Variants in NRG1 observed in about 807,000 individuals in gnomAD.
NRG1 encodes the protein neuregulin 1.
A neutral mutation model predicts 63.8 loss-of-function variants in NRG1; 18 were observed. That is an observed-to-expected ratio of 0.28 (90% CI 0.19 to 0.42). The LOEUF is 0.42. NRG1 is among the 10% of genes least tolerant of loss of function. NRG1 has a pLI of 1.00. For missense variants in NRG1, 762 were observed against 814.7 expected (o/e 0.94, Z 0.79); for synonymous variants, 302 against 301.3 (o/e 1.00, Z -0.02).
intron 1 of NRG1, among the ~76,000 whole-genome samples, chr8:31,677,313 A>T (rs1312429748): frequency 6.6e-6 from 1 of 151,418 alleles, no homozygotes; most frequent in African/African-American, 2.4e-5. Flanking sequence ...TCTACCACTT[A>T]AAAAATTTCA....
intron 1 of NRG1, among the ~76,000 whole-genome samples, chr8:31,877,441 A>C (rs948456099): frequency 2.6e-5 from 4 of 151,060 alleles, no homozygotes; most frequent in Non-Finnish European, 4.4e-5. Context: ...TCTTTTGGTT[A>C]TCTCTCTCTC....
intron 1 of NRG1, among the ~76,000 whole-genome samples, chr8:32,561,551 G>A (rs73234144): frequency 0.2 from 30,227 of 152,054 alleles, 3,800 homozygotes; most frequent in Admixed American, 0.33. Flanking sequence ...ATGCCTTTAT[G>A]CAGGAAACTC....
At chr8:31,931,098 C>A (rs189508600) in intron 1 of NRG1, among the ~76,000 whole-genome samples, 46 of 152,214 alleles carry the variant, frequency 3.0e-4, no homozygotes, top group Admixed American at 5.9e-4. Context: ...TACTTCCTCC[C>A]TGGAGAATGG....
At chr8:32,693,575 G>A (rs1329372302) in intron 5 of NRG1, among the ~76,000 whole-genome samples, 1 of 145,776 alleles carries the variant, frequency 6.9e-6, no homozygotes, top group Non-Finnish European at 1.5e-5. Flanking sequence ...AAAGCCTCAT[G>A]TTTCCAAAGT....
chr8:32,031,117 G>T (rs1488111122), intron 1 of NRG1, among the ~76,000 whole-genome samples: 1 of 152,052 alleles, frequency 6.6e-6, no homozygotes, highest in Admixed American at 6.6e-5. Context: ...GTGGTGCCGT[G>T]GTCTGTTTGG....
chr8:32,750,710 C>CA (rs34624230), intron 7 of NRG1, among the ~76,000 whole-genome samples: 64,947 of 124,260 alleles, frequency 0.52, 16,958 homozygotes, highest in South Asian at 0.64. Flanking sequence ...ATTTCTTCCT[C>CA]AAAAAAAAAA....
intron 1 of NRG1, among the ~76,000 whole-genome samples, chr8:32,113,069 G>A (rs1290583941): frequency 6.6e-6 from 1 of 152,092 alleles, no homozygotes; most frequent in Non-Finnish European, 1.5e-5. Flanking sequence ...TCTGAGCATG[G>A]GGGCTGTACC....
At chr8:32,552,671 G>A (rs1208880993) in intron 1 of NRG1, among the ~76,000 whole-genome samples, 1 of 152,164 alleles carries the variant, frequency 6.6e-6, no homozygotes. Flanking sequence ...CCTAGCCTAT[G>A]TAATTATTAA....
At chr8:32,572,304 A>G (rs1314929322) in intron 1 of NRG1, among the ~76,000 whole-genome samples, 3 of 152,214 alleles carry the variant, frequency 2.0e-5, no homozygotes, top group East Asian at 3.8e-4. Flanking sequence ...TTTATAAGCA[A>G]TGTGAATGAT....
At chr8:31,910,015 A>G (rs1452503803) in intron 1 of NRG1, among the ~76,000 whole-genome samples, 1 of 152,194 alleles carries the variant, frequency 6.6e-6, no homozygotes, top group Non-Finnish European at 1.5e-5. Flanking sequence ...CCAAAAATCA[A>G]TGATCTGATT....
intron 1 of NRG1, among the ~76,000 whole-genome samples, chr8:32,008,483 T>C (rs541465277): frequency 6.6e-6 from 1 of 152,174 alleles, no homozygotes; most frequent in African/African-American, 2.4e-5. Context: ...ATCTGCCTAG[T>C]TCGGTTTCTC....
intron 1 of NRG1, among the ~76,000 whole-genome samples, chr8:32,278,093 C>A (rs1266335569): frequency 1.3e-5 from 2 of 152,184 alleles, no homozygotes; most frequent in African/African-American, 2.4e-5. Flanking sequence ...AAAATTCTTG[C>A]ACATTTAATC....
chr8:32,736,967 CA>C (rs1318743217), intron 6 of NRG1, among the ~76,000 whole-genome samples: 1 of 151,884 alleles, frequency 6.6e-6, no homozygotes, highest in African/African-American at 2.4e-5. Context: ...TTTCAAAATA[CA>C]TACATCTATG....
intron 1 of NRG1, among the ~76,000 whole-genome samples, chr8:32,294,163 C>A (rs948018141): frequency 1.3e-5 from 2 of 151,954 alleles, no homozygotes; most frequent in African/African-American, 4.8e-5. Flanking sequence ...ATCCCCAAGC[C>A]CACATTTTCC....
intron 1 of NRG1, among the ~76,000 whole-genome samples, chr8:32,201,360 A>C (rs1843484206): frequency 6.6e-6 from 1 of 152,056 alleles, no homozygotes; most frequent in Non-Finnish European, 1.5e-5. Flanking sequence ...TAGGTGCCGG[A>C]CTCTGCAGTT....
chr8:32,337,536 T>A (rs1371921082), intron 1 of NRG1, among the ~76,000 whole-genome samples: 1 of 151,202 alleles, frequency 6.6e-6, no homozygotes, highest in Non-Finnish European at 1.5e-5. Context: ...GGGGACCACA[T>A]ACATGTCACA....
chr8:32,342,371 C>T (rs1199878648), intron 1 of NRG1, among the ~76,000 whole-genome samples: 1 of 152,158 alleles, frequency 6.6e-6, no homozygotes, highest in Admixed American at 6.6e-5. Flanking sequence ...ATCACAAGAG[C>T]TAAGATTTGC....
chr8:32,273,574 A>T (rs1175853546), intron 1 of NRG1, among the ~76,000 whole-genome samples: 1 of 152,196 alleles, frequency 6.6e-6, no homozygotes, highest in Non-Finnish European at 1.5e-5. Context: ...GCCTGTGTTT[A>T]ATTAAAGCAC....
chr8:31,831,371 G>A (rs1367057686), intron 1 of NRG1, among the ~76,000 whole-genome samples: 1 of 152,082 alleles, frequency 6.6e-6, no homozygotes, highest in Admixed American at 6.5e-5. Flanking sequence ...CCAAAGTGCT[G>A]GGATTACAAA....
Sources: allele counts gnomAD v4.1 joint callset (sites outside exome capture counted in the v4.1 genomes callset), GRCh38; gene constraint gnomAD v4.1.1; transcripts MANE v1.5; gene names NCBI Gene and HGNC (gene_info 2026-07-23, HGNC 2026-07-21).